SLC37A3: variants seen among roughly 807,000 people sequenced by gnomAD.
The protein encoded by SLC37A3 is sugar phosphate exchanger 3.
Under a neutral mutation model 67.1 loss-of-function variants are expected in SLC37A3, and 51 were observed. The observed-to-expected ratio is 0.76, with a 90% confidence interval of 0.61 to 0.96. SLC37A3 has a LOEUF of 0.96. SLC37A3 is among the 40% of genes least tolerant of loss of function. SLC37A3 has a pLI of 0.00. For missense variants in SLC37A3, 508 were observed against 603.0 expected (o/e 0.84, Z 1.65); for synonymous variants, 214 against 231.4 (o/e 0.92, Z 0.68).
At chr7:140,336,083 G>A (rs76311916) in intron 14 of SLC37A3, among the ~76,000 whole-genome samples, 7,981 of 152,310 alleles carry the variant, frequency 0.052, 224 homozygotes, top group Non-Finnish European at 0.073. Context: ...TACTGAATGC[G>A]TCCCTGGTGC....
At position 140,367,716 on chromosome 7, in the gene SLC37A3, T is replaced by A. The variant is rs1797656876; in HGVS notation, c.291+1874A>T. Among the ~76,000 whole-genome samples, 4 of 152,026 alleles carry A rather than the reference T, an allele frequency of 2.6e-5. No homozygotes were observed. The South Asian group carries it at 8.3e-4, about 32-fold the overall frequency. ...CTAATGTGGCATCCACCACAGCTGTTCCTACAGCCAGACAGAGACGCCAGC... is the reference window on the plus strand; with the variant it reads ...CTAATGTGGCATCCACCACAGCTGTACCTACAGCCAGACAGAGACGCCAGC... On this transcript the variant is annotated intron_variant, in intron 4 of 14. Transcript: ENST00000326232.
At chr7:140,364,346 G>C (rs772864333) in intron 5 of SLC37A3, 62 bp downstream of exon 5, 60 of 1,411,348 alleles carry the variant, frequency 4.3e-5, no homozygotes, top group African/African-American at 7.2e-5. Context: ...AGAGAAGTAG[G>C]GAGATTACTT....
chr7:140,345,335 C>G (rs58258857), intron 11 of SLC37A3, 72 bp from the exon 12 acceptor site: 1 of 1,170,124 alleles, frequency 8.5e-7, no homozygotes, highest in Non-Finnish European at 1.3e-6. Flanking sequence ...CAACCGTACG[C>G]GAAGATCTGA....
At chr7:140,350,542 A>T (rs1364942933) in intron 9 of SLC37A3, among the ~76,000 whole-genome samples, 4 of 152,090 alleles carry the variant, frequency 2.6e-5, no homozygotes, top group African/African-American at 9.7e-5. Context: ...AAGTGGGCAG[A>T]CCATGAGATC....
intron 5 of SLC37A3, among the ~76,000 whole-genome samples, chr7:140,361,316 T>C (rs1797263142): frequency 6.6e-6 from 1 of 151,932 alleles, no homozygotes; most frequent in East Asian, 1.9e-4. Flanking sequence ...AACCCGTCTT[T>C]ACTAAAAATA....
At chr7:140,388,639 C>T (rs1798604059) in intron 1 of SLC37A3, among the ~76,000 whole-genome samples, 1 of 152,002 alleles carries the variant, frequency 6.6e-6, no homozygotes, top group South Asian at 2.1e-4. Flanking sequence ...GGCGAAACCC[C>T]GTCTCTACCA....
intron 10 of SLC37A3, among the ~76,000 whole-genome samples, chr7:140,346,888 T>C (rs1019902583): frequency 1.3e-5 from 2 of 151,646 alleles, no homozygotes; most frequent in East Asian, 2.0e-4. Flanking sequence ...CAGTGAGCTG[T>C]ATTGTGCCAC....
At chr7:140,346,834 T>C (rs1260774256) in intron 10 of SLC37A3, among the ~76,000 whole-genome samples, 2 of 150,648 alleles carry the variant, frequency 1.3e-5, no homozygotes, top group East Asian at 4.0e-4. Flanking sequence ...GTTGAGGCTG[T>C]GGTGAACCGT....
intron 5 of SLC37A3, among the ~76,000 whole-genome samples, chr7:140,361,431 A>T (rs2117137844): frequency 6.8e-6 from 1 of 146,876 alleles, no homozygotes; most frequent in East Asian, 2.1e-4. Flanking sequence ...GTGGTGAGCC[A>T]AGATTGTGCC....
At chr7:140,388,746 G>A (rs1417883334) in intron 1 of SLC37A3, among the ~76,000 whole-genome samples, 3 of 151,940 alleles carry the variant, frequency 2.0e-5, no homozygotes, top group Admixed American at 1.3e-4. Context: ...GAGAGGCAGA[G>A]GTTGCAGTGC....
chr7:140,350,391 C>T (rs897566742), intron 9 of SLC37A3, among the ~76,000 whole-genome samples: 1 of 152,196 alleles, frequency 6.6e-6, no homozygotes, highest in African/African-American at 2.4e-5. Flanking sequence ...CGTTAGAAGG[C>T]TTTCCTGACT....
At chr7:140,358,281 G>A (rs1357093611) in intron 6 of SLC37A3, among the ~76,000 whole-genome samples, 4 of 152,106 alleles carry the variant, frequency 2.6e-5, no homozygotes, top group African/African-American at 9.7e-5. Flanking sequence ...TCAAAAAAGG[G>A]CAGGGAAGGC....
intron 5 of SLC37A3, among the ~76,000 whole-genome samples, chr7:140,362,683 GGT>G (rs1466112574): frequency 5.6e-5 from 4 of 71,866 alleles, no homozygotes; most frequent in African/African-American, 1.0e-4. Flanking sequence ...TGGGGGGGGG[GGT>G]CAGCCCCCTG....
chr7:140,345,882 G>A lies in SLC37A3; in HGVS notation c.1113C>T (p.Leu371=), dbSNP rs1038224062. The A allele has an allele frequency of 4.3e-6, 7 of 1,613,310 alleles. No homozygotes were observed. The highest frequency in any genetic ancestry group is 5.9e-6 in the Non-Finnish European group (7 of 1,179,324). Residue 371 remains leucine, a synonymous_variant, in exon 11 of 15, where the codon CTC becomes CTT. Transcript: ENST00000326232. ...AAGAATACTCACGACTATACCCGAT[G>A]AGGGACCCAACTGCCAGAAGCAGAC... ...ALSLLLAVGS[L]IGYSRSPNDK...
chr7:140,372,773 G>A (rs1285305871), intron 3 of SLC37A3, among the ~76,000 whole-genome samples: 2 of 151,606 alleles, frequency 1.3e-5, no homozygotes, highest in Non-Finnish European at 2.9e-5. Flanking sequence ...TGAGGCAGTA[G>A]AATTGCTTGC....
rs760495275 is a variant in SLC37A3, at chr7:140,355,650, C to G, written c.618+18G>C. 1.9e-6 allele frequency: 3 copies of G among 1,600,292 alleles called. No individual in the cohort carries two copies. The highest frequency in any genetic ancestry group is 1.7e-6 in the Non-Finnish European group (2 of 1,168,154). ...CAGAGAGAGAGAGAGAGCACCAGAG[C>G]TAGAAAACAATACCTACCTCATAAC... On this transcript the variant is annotated intron_variant, in intron 7 of 14. Coordinates refer to ENST00000326232, the MANE Select transcript of SLC37A3 (RefSeq NM_207113.3).
Position 140,335,244 on chromosome 7 carries a change from G to C in SLC37A3, c.*168C>G. The C allele has an allele frequency of 6.2e-7, 1 of 1,613,698 alleles. No individual in the cohort carries two copies. Among genetic ancestry groups the C allele is most frequent in the Non-Finnish European group, 8.5e-7 (1 of 1,179,718 alleles). On this transcript the variant is annotated 3_prime_UTR_variant, in exon 15 of 15. Coordinates refer to ENST00000326232, the MANE Select transcript of SLC37A3 (RefSeq NM_207113.3). ...GTAATTCCTGTAGTGTAGAAAACTA[G>C]TGCAGCCTTCACTGCTGGTCAGCAT...
At chr7:140,390,870 T>A (rs1399575983) in intron 1 of SLC37A3, among the ~76,000 whole-genome samples, 2 of 152,150 alleles carry the variant, frequency 1.3e-5, no homozygotes, top group Non-Finnish European at 2.9e-5. Context: ...TGTTTTTCCC[T>A]CATCCATCCC....
chr7:140,343,529 A>G lies in SLC37A3; in HGVS notation c.1209T>C (p.Ser403=). The G allele has an allele frequency of 6.2e-7, 1 of 1,614,204 alleles. No individual in the cohort carries two copies. The highest frequency in any genetic ancestry group is 1.1e-5 in the South Asian group (1 of 91,066). ...FFIGGPSNMI[S]SAISADLGRQ... ...GACCCAAGTCCGCAGAAATAGCAGA[A>G]CTAATCATATTAGAAGGTCCACCAA... The change falls in exon 13 of 15, where the codon AGT becomes AGC. Residue 403 remains serine (S), a synonymous_variant. Transcript: ENST00000326232.
Sources: allele counts gnomAD v4.1 joint callset (sites outside exome capture counted in the v4.1 genomes callset), GRCh38; gene constraint gnomAD v4.1.1; transcripts MANE v1.5; gene names NCBI Gene and HGNC (gene_info 2026-07-23, HGNC 2026-07-21).